The following PAPPA2 variants were observed in gnomAD, a reference collection of about 807,000 sequenced individuals.
PAPPA2 encodes the protein pappalysin-2.
In PAPPA2, 86 loss-of-function variants were observed where a neutral mutation model predicts 176.4. The ratio of observed to expected loss-of-function variants is 0.49; its 90% CI spans 0.41 to 0.58. The LOEUF (loss-of-function observed/expected upper bound fraction) is 0.58. PAPPA2 is among the 20% of genes least tolerant of loss of function. The probability of loss-of-function intolerance (pLI) is 0.00; values close to 1 mark genes in which losing one functional copy is unlikely to be tolerated. For missense variants in PAPPA2, 2,073 were observed against 2,256.9 expected, an observed-to-expected ratio of 0.92 and a Z score of 1.65; for synonymous variants, 809 against 852.2, an observed-to-expected ratio of 0.95 and a Z score of 0.88.
chr1:176,754,823 C>A (rs1274230863), intron 14 of PAPPA2, among the ~76,000 whole-genome samples: 3 of 152,204 alleles, frequency 2.0e-5, no homozygotes, highest in Non-Finnish European at 4.4e-5. Flanking sequence ...GAGGCAGATG[C>A]TGTAGACAGA....
intron 2 of PAPPA2, among the ~76,000 whole-genome samples, chr1:176,592,184 A>G (rs1573091589): frequency 6.6e-6 from 1 of 152,344 alleles, no homozygotes; most frequent in East Asian, 1.9e-4. Flanking sequence ...CTATTTTCCT[A>G]CAGATGAAGT....
intron 21 of PAPPA2, among the ~76,000 whole-genome samples, chr1:176,839,692 A>T (rs1393913450): frequency 6.6e-6 from 1 of 152,140 alleles, no homozygotes; most frequent in Non-Finnish European, 1.5e-5. Context: ...AAGTTACATG[A>T]CATCTAATAC....
Position 176,568,577 on chromosome 1 carries a change from A to G in PAPPA2, c.919+11336A>G, listed in dbSNP as rs988711096. ...GAGCAGTGAGGAGTGAAGAGCCCCAACCTTCCTCAACTGAACCCTTTATCC... is the reference window on the plus strand; with the variant it reads ...GAGCAGTGAGGAGTGAAGAGCCCCAGCCTTCCTCAACTGAACCCTTTATCC... On this transcript the variant is annotated intron_variant, in intron 2 of 22. Transcript: ENST00000367662. 3.3e-5 allele frequency among the ~76,000 whole-genome samples: 5 copies of G among 152,250 alleles called. No individual in the cohort carries two copies. The East Asian group carries it at 5.8e-4, about 18-fold the overall frequency.
intron 1 of PAPPA2, among the ~76,000 whole-genome samples, chr1:176,532,799 C>T (rs1380260225): frequency 2.6e-5 from 4 of 152,152 alleles, no homozygotes; most frequent in South Asian, 2.1e-4. Flanking sequence ...GTTCTCGGCT[C>T]CCTAGATCCA....
intron 1 of PAPPA2, among the ~76,000 whole-genome samples, chr1:176,473,877 C>T (rs774585762): frequency 2.0e-5 from 3 of 152,110 alleles, no homozygotes; most frequent in Non-Finnish European, 4.4e-5. Context: ...TTTCTAATCT[C>T]ATTGTGTTTT....
chr1:176,483,046 G>A (rs1439706309), intron 1 of PAPPA2, among the ~76,000 whole-genome samples: 1 of 152,176 alleles, frequency 6.6e-6, no homozygotes, highest in Non-Finnish European at 1.5e-5. Flanking sequence ...TCCTCCATGT[G>A]GCTGAAGAGC....
At chr1:176,640,458 T>C (rs2102725825) in intron 3 of PAPPA2, among the ~76,000 whole-genome samples, 1 of 151,522 alleles carries the variant, frequency 6.6e-6, no homozygotes, top group East Asian at 2.0e-4. Flanking sequence ...TTTTTCGTTC[T>C]TGCGATAGTT....
intron 1 of PAPPA2, among the ~76,000 whole-genome samples, chr1:176,518,474 C>T (rs868803244): frequency 1.4e-5 from 2 of 140,786 alleles, no homozygotes; most frequent in Non-Finnish European, 3.1e-5. Flanking sequence ...AAAAAACAAA[C>T]AAACTTACCA....
chr1:176,595,309 G>T lies in PAPPA2; in HGVS notation c.1705G>T (p.Val569Phe). 1 of 1,614,184 alleles carries T rather than the reference G, an allele frequency of 6.2e-7. No homozygotes were observed. The highest frequency in any genetic ancestry group is 8.5e-7 in the Non-Finnish European group (1 of 1,180,024). Residue 569 changes from valine (V) to phenylalanine (F), a missense_variant, in exon 3 of 23, where the codon GTC (valine) becomes TTC (phenylalanine). Val to Phe is a conservative substitution (Grantham distance 50). Around this residue, in one of 4 missense-constraint regions of PAPPA2, gnomAD observed 1,196 missense variants for 1,330.4 expected, o/e 0.90. Transcript: ENST00000367662. Reference protein sequence around the residue: ...SRYNISWQLSVHQVHNSTLRH... With the variant: ...SRYNISWQLSFHQVHNSTLRH... ...CTACAACATCAGCTGGCAGCTGAGC[G>T]TCCACCAGGTCCACAATTCCACCCT...
At chr1:176,782,491 A>C (rs1360728642) in intron 17 of PAPPA2, among the ~76,000 whole-genome samples, 6 of 152,136 alleles carry the variant, frequency 3.9e-5, no homozygotes, top group Non-Finnish European at 8.8e-5. Context: ...GGTGGTAAGA[A>C]TTATGCTTAG....
Position 176,557,233 on chromosome 1 carries a change from T to G in PAPPA2, c.911T>G (p.Ile304Ser), listed in dbSNP as rs776376077. Residue 304 changes from isoleucine (I) to serine (S), a missense_variant, in exon 2 of 23, where the codon ATC becomes AGC. Physicochemically the swap from Ile to Ser is moderately radical, Grantham distance 142. Transcript: ENST00000367662. Reference protein sequence around the residue: ...KPEGGQNNPAIIAGVFDNCSH... With the variant: ...KPEGGQNNPASIAGVFDNCSH... The stretch of plus-strand genomic sequence containing the variant: ...GAGGGAGGACAGAACAACCCAGCCA[T>G]CATCGCAGGTAACACCCTTCTCCTG... 3 of 1,586,120 alleles carry G rather than the reference T, an allele frequency of 1.9e-6. No homozygotes were observed. In the East Asian group the frequency reaches 6.9e-5, roughly 37 times the overall value.
chr1:176,764,846 T>C (rs1333778496), intron 14 of PAPPA2, among the ~76,000 whole-genome samples: 3 of 152,348 alleles, frequency 2.0e-5, no homozygotes, highest in Admixed American at 2.0e-4. Context: ...TCCGCCCGCC[T>C]TGGCCTCCCA....
At chr1:176,463,765 A>C (rs941221343) in intron 1 of PAPPA2, among the ~76,000 whole-genome samples, 5 of 152,162 alleles carry the variant, frequency 3.3e-5, no homozygotes, top group Admixed American at 3.3e-4. Flanking sequence ...CCTGGGCCTC[A>C]TCCAGGCCTG....
At chr1:176,502,067 G>T (rs879448496) in intron 1 of PAPPA2, among the ~76,000 whole-genome samples, 1 of 152,146 alleles carries the variant, frequency 6.6e-6, no homozygotes, top group African/African-American at 2.4e-5. Context: ...AAATAAGCAG[G>T]ATTGACACTT....
chr1:176,586,431 G>A (rs868760889), intron 2 of PAPPA2, among the ~76,000 whole-genome samples: 3 of 151,708 alleles, frequency 2.0e-5, no homozygotes, highest in Non-Finnish European at 4.4e-5. Flanking sequence ...CATCCTCTAA[G>A]TTCCCCTCCC....
In PAPPA2 at chr1:176,684,990, A is replaced by G. The variant is rs1421625666; in HGVS notation, c.2138-5147A>G. Among the ~76,000 whole-genome samples, 3 of 152,160 alleles carry G rather than the reference A, an allele frequency of 2.0e-5. No individual in the cohort carries two copies. The East Asian group carries it at 5.8e-4, about 29-fold the overall frequency. On this transcript the variant is annotated intron_variant, in intron 4 of 22. Coordinates refer to ENST00000367662, the MANE Select transcript of PAPPA2 (RefSeq NM_020318.3). ...AGCATGAGCGACTTAGAGGAAAATCAGAGCTCCTTGATGAGGTTGTTCTCC... is the reference window on the plus strand; with the variant it reads ...AGCATGAGCGACTTAGAGGAAAATCGGAGCTCCTTGATGAGGTTGTTCTCC...
chr1:176,614,304 G>A (rs993650716), intron 3 of PAPPA2, among the ~76,000 whole-genome samples: 11 of 152,188 alleles, frequency 7.2e-5, no homozygotes, highest in Admixed American at 7.2e-4. Context: ...ATTGCCACAT[G>A]GAGGGTCTAA....
At chr1:176,781,365 C>CTTTTTTTTTTTTTTTTTTTTT (rs35029858) in intron 17 of PAPPA2, among the ~76,000 whole-genome samples, 1 of 46,228 alleles carries the variant, frequency 2.2e-5, no homozygotes, top group African/African-American at 8.4e-5. Context: ...TTGTAAGGGG[C>CTTTTTTTTTTTTTTTTTTTTT]TTTTTTTTTT....
chr1:176,702,717 G>GA lies in PAPPA2; in HGVS notation c.3348dup (p.Asp1117ArgfsTer13). The GA allele has an allele frequency of 2.5e-6, 4 of 1,610,830 alleles. No homozygotes were observed. Among genetic ancestry groups the GA allele is most frequent in the Non-Finnish European group, 3.4e-6 (4 of 1,178,320 alleles). ...CACATTCATGGAGCTCCTTATTGTG[G>GA]AGATGGGAAGGTGTCAGAGTGAGTA... On this transcript the variant is annotated frameshift_variant, in exon 9 of 23. Coordinates refer to ENST00000367662, the MANE Select transcript of PAPPA2 (RefSeq NM_020318.3). LOFTEE classifies it high-confidence loss of function.
Sources: gnomAD v4.1 joint callset for allele counts (sites outside exome capture counted in the v4.1 genomes callset) on GRCh38, gnomAD v4.1.1 for gene constraint, gnomAD v4.1.1 regional missense constraint, MANE v1.5 for transcripts, NCBI Gene and HGNC (gene_info 2026-07-23, HGNC 2026-07-21) for gene names.